Variants in PCDH15 observed in about 807,000 individuals in gnomAD.
The protein encoded by PCDH15 is protocadherin related 15, also known as protocadherin-15.
In PCDH15, 129 loss-of-function variants were observed where a neutral mutation model predicts 178.5. The observed-to-expected ratio is 0.72, with a 90% CI of 0.63 to 0.84. The LOEUF is 0.84. Among genes scored for constraint, PCDH15 ranks in the 40% least tolerant of loss-of-function variants. The probability of loss-of-function intolerance (pLI) is 0.00; values close to 1 mark genes in which losing one functional copy is unlikely to be tolerated. For synonymous variants in PCDH15, 800 were observed against 732.0 expected, an observed-to-expected ratio of 1.09 and a Z score of -1.50; for missense variants, 2,230 against 2,099.9, an observed-to-expected ratio of 1.06 and a Z score of -1.21.
In PCDH15 at chr10:53,807,056, A is replaced by G. The variant is rs745322788; in HGVS notation, c.4746T>C (p.Ala1582=). Residue 1582 remains alanine (A), a synonymous_variant, in exon 38 of 38, where the codon GCT becomes GCC. Coordinates refer to ENST00000644397, the MANE Select transcript of PCDH15 (RefSeq NM_001384140.1). ...YETSSTGEDS[A]PECQRNRLHH... is the part of the protein sequence containing the mutation. ...GAAGACGGTTTCTCTGACATTCAGGAGCACTGTCTTCTCCAGTTGAGCTGG... is the reference window on the plus strand; with the variant it reads ...GAAGACGGTTTCTCTGACATTCAGGGGCACTGTCTTCTCCAGTTGAGCTGG... 1.9e-6 allele frequency: 3 copies of G among 1,613,274 alleles called. No individual in the cohort carries two copies. In the South Asian group the frequency reaches 3.3e-5, roughly 18 times the overall value.
chr10:54,383,189 T>G (rs1484416990), intron 3 of PCDH15, among the ~76,000 whole-genome samples: 1 of 152,014 alleles, frequency 6.6e-6, no homozygotes, highest in Non-Finnish European at 1.5e-5. Flanking sequence ...AAATGTACTT[T>G]CTGTACAACT....
chr10:54,947,598 T>C (rs1838226001), intron 2 of PCDH15, among the ~76,000 whole-genome samples: 1 of 151,902 alleles, frequency 6.6e-6, no homozygotes, highest in African/African-American at 2.4e-5. Flanking sequence ...TTAATGTCTA[T>C]ATATGTGTGT....
At chr10:53,862,330 C>T (rs1410172996) in intron 27 of PCDH15, among the ~76,000 whole-genome samples, 1 of 151,984 alleles carries the variant, frequency 6.6e-6, no homozygotes, top group African/African-American at 2.4e-5. Flanking sequence ...GGATTACAGG[C>T]TGAGCCAACA....
intron 16 of PCDH15, among the ~76,000 whole-genome samples, chr10:54,084,083 CTTTT>C (rs34480492): frequency 6.7e-6 from 1 of 148,172 alleles, no homozygotes; most frequent in Non-Finnish European, 1.5e-5. Context: ...TTAATGTGCA[CTTTT>C]TTTTTTTTAT....
At chr10:54,515,471 A>C (rs2082118319) in intron 3 of PCDH15, among the ~76,000 whole-genome samples, 2 of 152,218 alleles carry the variant, frequency 1.3e-5, no homozygotes, top group South Asian at 4.1e-4. Flanking sequence ...TTAGGTAAAC[A>C]AAGCAGCCAG....
At chr10:54,691,614 TG>T (rs1303940341) in intron 1 of PCDH15, among the ~76,000 whole-genome samples, 1 of 151,776 alleles carries the variant, frequency 6.6e-6, no homozygotes, top group African/African-American at 2.4e-5. Flanking sequence ...GTATTTTGAA[TG>T]GCAATGCTTA....
intron 28 of PCDH15, among the ~76,000 whole-genome samples, chr10:53,844,124 G>A (rs1319138656): frequency 6.6e-6 from 1 of 152,106 alleles, no homozygotes; most frequent in African/African-American, 2.4e-5. Context: ...ATGTGCTGAT[G>A]TAGTAGTGTG....
intron 3 of PCDH15, among the ~76,000 whole-genome samples, chr10:54,893,217 TAAAAAATTC>T (rs912762200): frequency 1.8e-4 from 27 of 151,998 alleles, no homozygotes; most frequent in Admixed American, 1.2e-3. Context: ...AGGAAATTTT[TAAAAAATTC>T]TAAAAATTAC....
chr10:55,625,402 C>T (rs1837505050), intron 2 of PCDH15, among the ~76,000 whole-genome samples: 1 of 152,098 alleles, frequency 6.6e-6, no homozygotes. Flanking sequence ...TCACAAAAAT[C>T]AAGTTCATTA....
intron 14 of PCDH15, among the ~76,000 whole-genome samples, chr10:54,141,248 T>A (rs2043379979): frequency 6.6e-6 from 1 of 152,090 alleles, no homozygotes; most frequent in South Asian, 2.1e-4. Context: ...GTTCCTAAAC[T>A]ACCTTTGTCA....
At chr10:55,606,433 T>A (rs1243346748) in intron 2 of PCDH15, among the ~76,000 whole-genome samples, 1 of 151,358 alleles carries the variant, frequency 6.6e-6, no homozygotes, top group East Asian at 2.0e-4. Context: ...GAGCCCGCAT[T>A]GCCAAGTCAA....
chr10:53,848,554 A>T (rs2132886534), intron 28 of PCDH15, among the ~76,000 whole-genome samples: 1 of 152,132 alleles, frequency 6.6e-6, no homozygotes, highest in African/African-American at 2.4e-5. Flanking sequence ...TAAAATAAAA[A>T]CATAAATAAA....
intron 2 of PCDH15, among the ~76,000 whole-genome samples, chr10:55,004,516 C>T (rs1265489636): frequency 3.3e-5 from 5 of 152,168 alleles, no homozygotes; most frequent in Admixed American, 3.3e-4. Flanking sequence ...ATCACAACAT[C>T]TGGAGACACC....
At chr10:55,433,876 G>A (rs996180757) in intron 2 of PCDH15, among the ~76,000 whole-genome samples, 1 of 151,802 alleles carries the variant, frequency 6.6e-6, no homozygotes, top group Admixed American at 6.6e-5. Flanking sequence ...ACTGTTTATT[G>A]ATCAATCCTT....
chr10:53,929,968 G>C (rs16937834), intron 25 of PCDH15, among the ~76,000 whole-genome samples: 1,758 of 152,196 alleles, frequency 0.012, 30 homozygotes, highest in African/African-American at 0.037. Flanking sequence ...CTACATAAAA[G>C]AATGGGAATG....
rs1377384133 is a variant in PCDH15 at position 54,445,007 on chromosome 10, T to C, written c.158-66065A>G. 2.0e-5 allele frequency among the ~76,000 whole-genome samples: 3 copies of C among 151,304 alleles called. No individual in the cohort carries two copies. In the Admixed American group the frequency reaches 2.0e-4, roughly 10 times the overall value. Reference sequence around the variant, plus strand: ...CTTTCTCCTAAGTTCAAGGAAAGAATCATTCTCTACTGTTTCCAAGGAGAT... The same window carrying C: ...CTTTCTCCTAAGTTCAAGGAAAGAACCATTCTCTACTGTTTCCAAGGAGAT... On this transcript the variant is annotated intron_variant, in intron 3 of 37. Transcript: ENST00000644397.
chr10:55,528,424 T>C (rs992617807), intron 2 of PCDH15, among the ~76,000 whole-genome samples: 6 of 151,974 alleles, frequency 3.9e-5, no homozygotes, highest in African/African-American at 1.4e-4. Context: ...CCCCTTCCTG[T>C]GTCCAAGTGT....
At chr10:54,645,081 A>C (rs1020189736) in intron 2 of PCDH15, among the ~76,000 whole-genome samples, 1 of 152,202 alleles carries the variant, frequency 6.6e-6, no homozygotes, top group African/African-American at 2.4e-5. Flanking sequence ...TGGCAGGATG[A>C]CTAGGGCATG....
chr10:54,003,736 C>CAAAAAAAAAAAAAAAAAA (rs55871741), intron 20 of PCDH15, among the ~76,000 whole-genome samples: 1 of 76,206 alleles, frequency 1.3e-5, no homozygotes, highest in East Asian at 4.5e-4. Flanking sequence ...CAAACTATTC[C>CAAAAAAAAAAAAAAAAAA]AAAAAAAAAA....
Sources: gnomAD v4.1 joint callset for allele counts (sites outside exome capture counted in the v4.1 genomes callset) on GRCh38, gnomAD v4.1.1 for gene constraint, MANE v1.5 for transcripts, NCBI Gene and HGNC (gene_info 2026-07-23, HGNC 2026-07-21) for gene names.